CGNL1: variants seen among roughly 807,000 people sequenced by gnomAD.
CGNL1 encodes the protein cingulin like 1, also known as cingulin-like protein 1.
CGNL1 carries 132 observed loss-of-function variants against 141.2 expected under a neutral mutation model. That is an observed-to-expected ratio of 0.93 (90% CI 0.81 to 1.08). CGNL1 has a LOEUF of 1.08. CGNL1 is among the 50% of genes least tolerant of loss of function. The pLI, the probability that CGNL1 is intolerant of heterozygous loss-of-function variation, is 0.00. For missense variants in CGNL1, 1,870 were observed against 1,588.6 expected, an observed-to-expected ratio of 1.18 and a Z score of -3.01; for synonymous variants, 690 against 622.1, an observed-to-expected ratio of 1.11 and a Z score of -1.63.
chr15:57,531,872 G>C (rs2031971527), intron 14 of CGNL1, 93 bp downstream of exon 14: 1 of 769,606 alleles, frequency 1.3e-6, no homozygotes, highest in East Asian at 2.5e-5. Context: ...GTCCAGGAGA[G>C]AAAAATTCAT....
chr15:57,513,123 T>C (rs1358298220), intron 8 of CGNL1, among the ~76,000 whole-genome samples: 1 of 152,122 alleles, frequency 6.6e-6, no homozygotes, highest in Non-Finnish European at 1.5e-5. Context: ...TCCATCGCCA[T>C]TAGCAGTCAC....
chr15:57,446,665 CTTTTT>C (rs11327140), intron 4 of CGNL1, among the ~76,000 whole-genome samples: 1 of 116,694 alleles, frequency 8.6e-6, no homozygotes, highest in Admixed American at 9.0e-5. Flanking sequence ...CTGAACATTA[CTTTTT>C]TTTTTTTTTT....
chr15:57,440,431 G>A lies in CGNL1; in HGVS notation c.1657G>A (p.Glu553Lys). ...QQELTQQTNE[E>K]TAKQILYNYL... ...AGAGCTCACTCAGCAAACCAATGAG[G>A]AGACAGCTAAGCAGATTCTCTACAA... Residue 553 changes from glutamate to lysine, a missense_variant, in exon 3 of 19, where the codon GAG (glutamate) becomes AAG (lysine). By Grantham distance (56) the Glu-to-Lys change is moderately conservative. Coordinates refer to ENST00000281282, the MANE Select transcript of CGNL1 (RefSeq NM_032866.5). The A allele has an allele frequency of 6.2e-7, 1 of 1,601,738 alleles. No homozygotes were observed. Among genetic ancestry groups the A allele is most frequent in the Non-Finnish European group, 8.5e-7 (1 of 1,173,430 alleles).
intron 11 of CGNL1, among the ~76,000 whole-genome samples, chr15:57,523,889 A>G (rs2140137963): frequency 6.6e-6 from 1 of 152,332 alleles, no homozygotes; most frequent in South Asian, 2.1e-4. Context: ...TTAGTAGAAG[A>G]AGGCTGTGTG....
At chr15:57,494,048 A>C (rs10518923) in intron 8 of CGNL1, among the ~76,000 whole-genome samples, 24,741 of 152,220 alleles carry the variant, frequency 0.16, 2,426 homozygotes, top group East Asian at 0.46. Flanking sequence ...AATAAGTGCT[A>C]AGAGAGAGAT....
At chr15:57,433,153 T>C (rs2063065139) in intron 1 of CGNL1, among the ~76,000 whole-genome samples, 1 of 152,142 alleles carries the variant, frequency 6.6e-6, no homozygotes, top group African/African-American at 2.4e-5. Flanking sequence ...CTTTAACAAA[T>C]ATGAAGACTT....
intron 14 of CGNL1, among the ~76,000 whole-genome samples, chr15:57,536,704 C>T (rs2032278994): frequency 6.6e-6 from 1 of 152,190 alleles, no homozygotes; most frequent in African/African-American, 2.4e-5. Context: ...CAATTGCCAT[C>T]CTTACCAATG....
intron 1 of CGNL1, among the ~76,000 whole-genome samples, chr15:57,383,148 T>C (rs973125435): frequency 2.0e-5 from 3 of 152,264 alleles, no homozygotes; most frequent in South Asian, 2.1e-4. Context: ...CCTGGAATGT[T>C]CACTTAGAGT....
At chr15:57,463,982 G>A (rs1595731000) in intron 8 of CGNL1, among the ~76,000 whole-genome samples, 2 of 152,140 alleles carry the variant, frequency 1.3e-5, no homozygotes, top group East Asian at 3.9e-4. Flanking sequence ...TTCTTCTACT[G>A]TAGTTTGTAT....
chr15:57,446,596 A>G (rs557867704), intron 4 of CGNL1, among the ~76,000 whole-genome samples: 1 of 151,816 alleles, frequency 6.6e-6, no homozygotes, highest in Non-Finnish European at 1.5e-5. Flanking sequence ...TAATCAGTCA[A>G]CATAGTGTAT....
chr15:57,544,634 A>C, intron 16 of CGNL1, 37 bp downstream of exon 16: 1 of 1,552,946 alleles, frequency 6.4e-7, no homozygotes, highest in Non-Finnish European at 8.7e-7. Context: ...CGGAGGCCCC[A>C]GTGGGCAGTG....
At chr15:57,430,786 C>A (rs2063035748) in intron 1 of CGNL1, among the ~76,000 whole-genome samples, 3 of 152,204 alleles carry the variant, frequency 2.0e-5, no homozygotes. Context: ...GTGGTGCAAT[C>A]TTGGCTCACT....
At position 57,397,707 on chromosome 15, in the gene CGNL1, T is replaced by G. The variant is rs1409359830; in HGVS notation, c.-16+21140T>G. Among the ~76,000 whole-genome samples the G allele has an allele frequency of 3.9e-5, 6 of 152,166 alleles. No homozygotes were observed. In the East Asian group the frequency reaches 1.2e-3, roughly 29 times the overall value. ...TCCTTTGACATGTGACGAGCCTTTTTTCTTGATTATGTAGTCTTCATTACT... is the reference window on the plus strand; with the variant it reads ...TCCTTTGACATGTGACGAGCCTTTTGTCTTGATTATGTAGTCTTCATTACT... On this transcript the variant is annotated intron_variant, in intron 1 of 18. Coordinates refer to ENST00000281282, the MANE Select transcript of CGNL1 (RefSeq NM_032866.5).
chr15:57,395,555 C>T (rs1423177126), intron 1 of CGNL1, among the ~76,000 whole-genome samples: 2 of 152,322 alleles, frequency 1.3e-5, no homozygotes, highest in South Asian at 2.1e-4. Flanking sequence ...AGGAACTGGG[C>T]ATGGTGTATT....
intron 4 of CGNL1, among the ~76,000 whole-genome samples, chr15:57,443,502 C>A (rs1595710808): frequency 6.6e-6 from 1 of 152,194 alleles, no homozygotes; most frequent in African/African-American, 2.4e-5. Flanking sequence ...TAGCTTCTTT[C>A]TAACTTGGGA....
rs549503993 is a variant in CGNL1, at chr15:57,396,469, C to T, written c.-16+19902C>T. On this transcript the variant is annotated intron_variant, in intron 1 of 18. Transcript: ENST00000281282. ...TTAATTTTTAAAAGAGACAGGGTTT[C>T]GCCATGTTGGCCAGGCTGGTCTTGA... Among the ~76,000 whole-genome samples, 3 of 151,764 alleles carry T rather than the reference C, an allele frequency of 2.0e-5. No homozygotes were observed. The South Asian group carries it at 6.3e-4, about 32-fold the overall frequency.
chr15:57,387,288 A>C (rs2062494661), intron 1 of CGNL1, among the ~76,000 whole-genome samples: 1 of 152,094 alleles, frequency 6.6e-6, no homozygotes, highest in Non-Finnish European at 1.5e-5. Context: ...ACCACTTTTT[A>C]CCTGGTGTCT....
chr15:57,506,271 G>A (rs2064101366), intron 8 of CGNL1, among the ~76,000 whole-genome samples: 2 of 152,246 alleles, frequency 1.3e-5, no homozygotes, highest in Non-Finnish European at 2.9e-5. Context: ...CCGCCAGCCA[G>A]CAGCTCCTTG....
chr15:57,448,518 C>T (rs111868435), intron 4 of CGNL1, among the ~76,000 whole-genome samples: 57 of 151,966 alleles, frequency 3.8e-4, no homozygotes, highest in African/African-American at 1.1e-3. Flanking sequence ...TGTGATGGTG[C>T]GCACCTGTAA....
Sources: allele counts gnomAD v4.1 joint callset (sites outside exome capture counted in the v4.1 genomes callset), GRCh38; gene constraint gnomAD v4.1.1; transcripts MANE v1.5; gene names NCBI Gene and HGNC (gene_info 2026-07-23, HGNC 2026-07-21).